PIK3C2G: variants seen among roughly 807,000 people sequenced by gnomAD.
The protein encoded by PIK3C2G is phosphatidylinositol 3-kinase C2 domain-containing subunit gamma.
Under a neutral mutation model 181.1 loss-of-function variants are expected in PIK3C2G, and 168 were observed. That is an observed-to-expected ratio of 0.93 (90% CI 0.82 to 1.05). The LOEUF (loss-of-function observed/expected upper bound fraction) is 1.05. Ranked by LOEUF, PIK3C2G falls within the 50% of genes least tolerant of loss-of-function variation. The pLI is 0.00. For missense variants in PIK3C2G, 1,869 were observed against 1,732.8 expected, an observed-to-expected ratio of 1.08 and a Z score of -1.40; for synonymous variants, 573 against 592.2, an observed-to-expected ratio of 0.97 and a Z score of 0.47.
chr12:18,435,046 C>T (rs4360750), intron 18 of PIK3C2G, among the ~76,000 whole-genome samples: 37,290 of 150,468 alleles, frequency 0.25, 4,934 homozygotes, highest in Admixed American at 0.35. Context: ...CCATGGTATA[C>T]GACTGGCATC....
intron 30 of PIK3C2G, among the ~76,000 whole-genome samples, chr12:18,596,126 C>T (rs964890607): frequency 1.3e-5 from 2 of 152,014 alleles, no homozygotes; most frequent in African/African-American, 4.8e-5. Flanking sequence ...ATGAAGGACA[C>T]CTTGATATTC....
chr12:18,519,131 G>A lies in PIK3C2G; in HGVS notation c.3323+13670G>A, dbSNP rs546510479. Among the ~76,000 whole-genome samples, 4 of 152,342 alleles carry A rather than the reference G, an allele frequency of 2.6e-5. No homozygotes were observed. The East Asian group carries it at 7.7e-4, about 29-fold the overall frequency. ...TGATTTCAATTCTTTTGCATTTGCT[G>A]AGGAGTGTTTTACTTCCAATTATAT... On this transcript the variant is annotated intron_variant, in intron 24 of 32. Coordinates refer to ENST00000538779, the MANE Select transcript of PIK3C2G (RefSeq NM_001288772.2).
chr12:18,442,037 T>C (rs1464176710), intron 18 of PIK3C2G, among the ~76,000 whole-genome samples: 2 of 152,144 alleles, frequency 1.3e-5, no homozygotes, highest in African/African-American at 4.8e-5. Flanking sequence ...GAATAGAAAT[T>C]AGTATTTCTA....
At chr12:18,711,529 T>TATAATAATAATA in the PIK3C2G span, among the ~76,000 whole-genome samples, 9,502 of 142,338 alleles carry the variant, frequency 0.067, 375 homozygotes, top group African/African-American at 0.1. Context: ...AAACTTAAAG[T>TATAATAATAATA]ATAATAATAA....
At chr12:18,255,328 T>C (rs1346265411) in intron 1 of PIK3C2G, among the ~76,000 whole-genome samples, 3 of 152,142 alleles carry the variant, frequency 2.0e-5, no homozygotes, top group African/African-American at 4.8e-5. Flanking sequence ...TTTCTATAAG[T>C]AACTTTTTAA....
intron 1 of PIK3C2G, among the ~76,000 whole-genome samples, chr12:18,265,695 T>A (rs10770346): frequency 0.35 from 52,766 of 151,856 alleles, 9,645 homozygotes; most frequent in Non-Finnish European, 0.41. Context: ...TTTGCTTTAA[T>A]TTTTTTATGT....
In PIK3C2G at chr12:18,402,813, G is replaced by A. The variant is rs757728220; in HGVS notation, c.2315+2966G>A. Among the ~76,000 whole-genome samples the A allele has an allele frequency of 1.1e-4, 16 of 152,076 alleles. 1 individual carries two copies. Among genetic ancestry groups the A allele is most frequent in the Non-Finnish European group, 2.1e-4 (14 of 67,980 alleles). Reference sequence around the variant, plus strand: ...TTATCTAAACAGATCTTCAAAATCTGTTTGGCTCATTCAATGTTTTATGTG... The same window carrying A: ...TTATCTAAACAGATCTTCAAAATCTATTTGGCTCATTCAATGTTTTATGTG... On this transcript the variant is annotated intron_variant, in intron 16 of 32. Coordinates refer to ENST00000538779, the MANE Select transcript of PIK3C2G (RefSeq NM_001288772.2).
At chr12:18,594,254 T>G (rs115268178) in intron 29 of PIK3C2G, among the ~76,000 whole-genome samples, 161 of 152,126 alleles carry the variant, frequency 1.1e-3, no homozygotes, top group African/African-American at 3.7e-3. Context: ...CAGAGCACAC[T>G]TGAACCTCTT....
At chr12:18,414,684 T>C (rs557066022) in intron 16 of PIK3C2G, among the ~76,000 whole-genome samples, 1 of 151,422 alleles carries the variant, frequency 6.6e-6, no homozygotes, top group African/African-American at 2.5e-5. Flanking sequence ...AAAAGGTAAA[T>C]AGATAGATCA....
At chr12:18,667,155 T>G in the PIK3C2G span, among the ~76,000 whole-genome samples, 2 of 152,096 alleles carry the variant, frequency 1.3e-5, no homozygotes, top group Non-Finnish European at 2.9e-5. Context: ...TCAAATAAGG[T>G]CTCATGATGA....
At chr12:18,411,889 A>G (rs2135634525) in intron 16 of PIK3C2G, among the ~76,000 whole-genome samples, 2 of 152,322 alleles carry the variant, frequency 1.3e-5, no homozygotes. Context: ...TTTGAGTAAG[A>G]TATTTTCCCT....
intron 31 of PIK3C2G, among the ~76,000 whole-genome samples, chr12:18,615,435 A>G (rs998369670): frequency 2.6e-5 from 4 of 151,478 alleles, no homozygotes; most frequent in African/African-American, 9.7e-5. Context: ...GTATATATAT[A>G]TATACCTAAA....
chr12:18,362,060 T>G (rs781359937), intron 11 of PIK3C2G, among the ~76,000 whole-genome samples: 18 of 152,052 alleles, frequency 1.2e-4, no homozygotes, highest in Non-Finnish European at 2.4e-4. Context: ...CAGAAACTAG[T>G]CCTTCTGATA....
chr12:18,267,181 G>A (rs980491987), intron 1 of PIK3C2G, among the ~76,000 whole-genome samples: 6 of 151,810 alleles, frequency 4.0e-5, no homozygotes, highest in Admixed American at 1.3e-4. Context: ...GTTTTCTGAT[G>A]TATCAATTCT....
At chr12:18,484,511 T>C (rs1228340097) in intron 18 of PIK3C2G, among the ~76,000 whole-genome samples, 2 of 152,216 alleles carry the variant, frequency 1.3e-5, no homozygotes, top group South Asian at 2.1e-4. Context: ...AAGTAATTTA[T>C]TGATAAACAC....
At chr12:18,400,372 A>G (rs1944179389) in intron 16 of PIK3C2G, among the ~76,000 whole-genome samples, 1 of 152,200 alleles carries the variant, frequency 6.6e-6, no homozygotes, top group Non-Finnish European at 1.5e-5. Context: ...TGTTAAGGAG[A>G]AGCTTGTAGG....
At chr12:18,418,008 T>C (rs74070259) in intron 16 of PIK3C2G, among the ~76,000 whole-genome samples, 2,431 of 152,302 alleles carry the variant, frequency 0.016, 73 homozygotes, top group African/African-American at 0.056. Context: ...AAATTGACTT[T>C]ATAGTAGTAT....
At chr12:18,585,779 A>G (rs1946740747) in intron 29 of PIK3C2G, among the ~76,000 whole-genome samples, 1 of 152,240 alleles carries the variant, frequency 6.6e-6, no homozygotes, top group Non-Finnish European at 1.5e-5. Context: ...ATACTCTAAA[A>G]TCAATCACAC....
At chr12:18,368,041 C>T (rs770451306) in intron 12 of PIK3C2G, among the ~76,000 whole-genome samples, 2 of 152,108 alleles carry the variant, frequency 1.3e-5, no homozygotes, top group Non-Finnish European at 2.9e-5. Flanking sequence ...TCTCTAAGAA[C>T]TCACTCACTA....
Sources: allele counts gnomAD v4.1 joint callset (sites outside exome capture counted in the v4.1 genomes callset), GRCh38; gene constraint gnomAD v4.1.1; transcripts MANE v1.5; gene names NCBI Gene and HGNC (gene_info 2026-07-23, HGNC 2026-07-21).